The following ADGRB3 variants were observed in gnomAD, a reference collection of about 807,000 sequenced individuals.
The protein encoded by ADGRB3 is brain-specific angiogenesis inhibitor 3.
A neutral mutation model predicts 193.4 loss-of-function variants in ADGRB3; 37 were observed. That is an observed-to-expected ratio of 0.19 (90% CI 0.15 to 0.25). ADGRB3 has a LOEUF of 0.25. ADGRB3 is among the 10% of genes least tolerant of loss of function. The pLI is 1.00. For synonymous variants in ADGRB3, 690 were observed against 644.2 expected (o/e 1.07, Z -1.08); for missense variants, 1,637 against 1,852.9 (o/e 0.88, Z 2.14).
chr6:68,799,116 A>G (rs2127370065), intron 3 of ADGRB3, among the ~76,000 whole-genome samples: 1 of 152,246 alleles, frequency 6.6e-6, no homozygotes, highest in Middle Eastern at 3.4e-3. Context: ...GAGGGAGGGG[A>G]GGGAGTACAC....
intron 16 of ADGRB3, among the ~76,000 whole-genome samples, chr6:69,072,186 A>G (rs1436863756): frequency 6.6e-6 from 1 of 152,178 alleles, no homozygotes; most frequent in Non-Finnish European, 1.5e-5. Flanking sequence ...CTTAGCTCAC[A>G]GTCTCACATA....
At chr6:68,827,375 T>A (rs550874172) in intron 3 of ADGRB3, among the ~76,000 whole-genome samples, 20 of 151,800 alleles carry the variant, frequency 1.3e-4, no homozygotes, top group South Asian at 8.3e-4. Flanking sequence ...AGTGATTTTT[T>A]AAAAAAATAA....
chr6:68,800,785 T>C (rs775167630), intron 3 of ADGRB3, among the ~76,000 whole-genome samples: 9 of 152,082 alleles, frequency 5.9e-5, no homozygotes, highest in South Asian at 2.1e-4. Flanking sequence ...TGCATACCGA[T>C]GAAATTGTTA....
At chr6:68,862,421 C>G (rs1477623012) in intron 3 of ADGRB3, among the ~76,000 whole-genome samples, 4 of 152,160 alleles carry the variant, frequency 2.6e-5, no homozygotes, top group Admixed American at 2.0e-4. Context: ...ATTACACAAG[C>G]AATAACAGTT....
In ADGRB3 at chr6:68,990,658, CAGAA is replaced by C. The variant is rs774030107; in HGVS notation, c.1735-3107_1735-3104del. Among the ~76,000 whole-genome samples, 75 of 152,274 alleles carry C rather than the reference CAGAA, an allele frequency of 4.9e-4. 1 individual carries two copies. The highest frequency in any genetic ancestry group is 8.8e-4 in the Non-Finnish European group (60 of 68,010). Reference sequence around the variant, plus strand: ...CTTCTGTAACTATTTTTATTGCAAACAGAAAGCATGTCTAAATGTTTTATTTCTC... The same window carrying C: ...CTTCTGTAACTATTTTTATTGCAAACAGCATGTCTAAATGTTTTATTTCTC... On this transcript the variant is annotated intron_variant, in intron 10 of 31. Transcript: ENST00000370598.
In ADGRB3 at chr6:69,240,420, T is replaced by C. The variant is rs564593610; in HGVS notation, c.2814+1194T>C. Among the ~76,000 whole-genome samples, 8 of 152,176 alleles carry C rather than the reference T, an allele frequency of 5.3e-5. No homozygotes were observed. The South Asian group carries it at 1.7e-3, about 32-fold the overall frequency. ...TTAATTTTCCTCCACTTATTTCCTGTATCTTTTCTTCTTAAAGAAAGAATC... is the reference window on the plus strand; with the variant it reads ...TTAATTTTCCTCCACTTATTTCCTGCATCTTTTCTTCTTAAAGAAAGAATC... On this transcript the variant is annotated intron_variant, in intron 20 of 31. Transcript: ENST00000370598.
chr6:69,344,257 T>A (rs1486410423), intron 26 of ADGRB3, among the ~76,000 whole-genome samples: 1 of 152,186 alleles, frequency 6.6e-6, no homozygotes, highest in Non-Finnish European at 1.5e-5. Flanking sequence ...GCCAAGCTCC[T>A]CTTTTCTCTT....
intron 3 of ADGRB3, among the ~76,000 whole-genome samples, chr6:68,906,294 A>T (rs11961186): frequency 0.33 from 50,003 of 151,464 alleles, 8,362 homozygotes; most frequent in South Asian, 0.39. Flanking sequence ...AAGGTATACC[A>T]CATATATTGG....
Position 69,036,675 on chromosome 6 carries a change from G to A in ADGRB3, c.2108-11510G>A, listed in dbSNP as rs118111603. On this transcript the variant is annotated intron_variant, in intron 13 of 31. Transcript: ENST00000370598. ...CAAGCTAAGGAAAAAATAATTTAGC[G>A]GAGACCCATGGATAAGTACAAGGAA... 9.9e-4 allele frequency among the ~76,000 whole-genome samples: 151 copies of A among 152,180 alleles called. 5 individuals carry two copies. In the East Asian group the frequency reaches 0.027, roughly 28 times the overall value.
chr6:69,263,243 T>C lies in ADGRB3; in HGVS notation c.2814+24017T>C, dbSNP rs148262511. 1.8e-3 allele frequency among the ~76,000 whole-genome samples: 280 copies of C among 152,180 alleles called. 4 individuals carry two copies. The highest frequency in any genetic ancestry group is 3.5e-3 in the Admixed American group (53 of 15,266). On this transcript the variant is annotated intron_variant, in intron 20 of 31. Coordinates refer to ENST00000370598, the MANE Select transcript of ADGRB3 (RefSeq NM_001704.3). ...GAACTGACACTGACATCAGTGAATG[T>C]TTTTTATGTTAGTATTGATGTCCAC...
At chr6:69,118,367 C>G (rs1201218050) in intron 17 of ADGRB3, among the ~76,000 whole-genome samples, 1 of 152,050 alleles carries the variant, frequency 6.6e-6, no homozygotes, top group African/African-American at 2.4e-5. Flanking sequence ...TAACACAAAA[C>G]TTGGCCAGCC....
chr6:69,222,835 G>C (rs568250078), intron 17 of ADGRB3, among the ~76,000 whole-genome samples: 136 of 152,132 alleles, frequency 8.9e-4, no homozygotes, highest in African/African-American at 3.1e-3. Flanking sequence ...TTTAAAAAAA[G>C]AATTCAATAG....
intron 15 of ADGRB3, among the ~76,000 whole-genome samples, chr6:69,053,598 C>T (rs1044308041): frequency 6.6e-6 from 1 of 152,192 alleles, no homozygotes; most frequent in African/African-American, 2.4e-5. Flanking sequence ...TCACACCTCC[C>T]ATTCCCCCTT....
rs1369152416 is a variant in ADGRB3 at position 69,049,304 on chromosome 6, C to T, written c.2291C>T (p.Ala764Val). 3 of 1,608,798 alleles carry T rather than the reference C, an allele frequency of 1.9e-6. No homozygotes were observed. Among genetic ancestry groups the T allele is most frequent in the Middle Eastern group, 3.4e-4 (2 of 5,848 alleles). Residue 764 changes from alanine to valine, a missense_variant, in exon 15 of 32, where the codon GCA (alanine) becomes GTA (valine). Coordinates refer to ENST00000370598, the MANE Select transcript of ADGRB3 (RefSeq NM_001704.3). ...LDESSVFVLG[A>V]VLYKNLDLIL... The stretch of plus-strand genomic sequence containing the variant: ...GAATCATCTGTATTTGTTCTTGGCG[C>T]AGTCCTATACAAAAACTTAGATCTA...
chr6:68,812,830 C>A (rs1030421149), intron 3 of ADGRB3, among the ~76,000 whole-genome samples: 1 of 151,814 alleles, frequency 6.6e-6, no homozygotes, highest in Non-Finnish European at 1.5e-5. Flanking sequence ...CCCTAGCCCC[C>A]CAACCCCCCA....
intron 17 of ADGRB3, among the ~76,000 whole-genome samples, chr6:69,121,587 G>T (rs527416225): frequency 3.6e-4 from 54 of 151,658 alleles, no homozygotes; most frequent in Non-Finnish European, 6.3e-4. Flanking sequence ...CTTCCCAGAT[G>T]GGGCAGCGGG....
intron 3 of ADGRB3, among the ~76,000 whole-genome samples, chr6:68,913,235 G>C (rs1353298793): frequency 6.6e-6 from 1 of 152,206 alleles, no homozygotes; most frequent in Non-Finnish European, 1.5e-5. Context: ...TGGGCAGACT[G>C]CCTCCTCAAG....
intron 13 of ADGRB3, among the ~76,000 whole-genome samples, chr6:69,039,711 A>T (rs1457486814): frequency 6.6e-6 from 1 of 152,048 alleles, no homozygotes; most frequent in Non-Finnish European, 1.5e-5. Context: ...TTTTAAAGGA[A>T]AAATGAGGAA....
At position 69,297,366 on chromosome 6, in the gene ADGRB3, CTT is replaced by C. The variant is rs1491484927; in HGVS notation, c.2815-27504_2815-27503del. Among the ~76,000 whole-genome samples the C allele has an allele frequency of 4.3e-3, 501 of 115,528 alleles. 1 individual carries two copies. The highest frequency in any genetic ancestry group is 0.015 in the African/African-American group (354 of 23,394). 75.8% of individuals were successfully genotyped at this position (115,528 alleles called of 152,430 possible). On this transcript the variant is annotated intron_variant, in intron 20 of 31. Coordinates refer to ENST00000370598, the MANE Select transcript of ADGRB3 (RefSeq NM_001704.3). Reference sequence around the variant, plus strand: ...TCTCTCTCTCTCTCTCTCTCTCTCTCTTTCTCTCTCTCTCTCTCTCTCTCTAT... The same window carrying C: ...TCTCTCTCTCTCTCTCTCTCTCTCTCTCTCTCTCTCTCTCTCTCTCTCTAT...
Sources: allele counts gnomAD v4.1 joint callset (sites outside exome capture counted in the v4.1 genomes callset), GRCh38; gene constraint gnomAD v4.1.1; transcripts MANE v1.5; gene names NCBI Gene and HGNC (gene_info 2026-07-23, HGNC 2026-07-21).